RUNX1T1: variants seen among roughly 807,000 people sequenced by gnomAD.
The protein encoded by RUNX1T1 is protein CBFA2T1.
RUNX1T1 carries 4 observed loss-of-function variants against 62.8 expected under a neutral mutation model. The observed-to-expected ratio is 0.06, with a 90% confidence interval of 0.03 to 0.15. The LOEUF is 0.15. Among genes scored for constraint, RUNX1T1 ranks in the 10% least tolerant of loss-of-function variants. The probability of loss-of-function intolerance (pLI) is 1.00; values close to 1 mark genes in which losing one functional copy is unlikely to be tolerated. For missense variants in RUNX1T1, 508 were observed against 754.3 expected, an observed-to-expected ratio of 0.67 and a Z score of 3.82; for synonymous variants, 291 against 286.0, an observed-to-expected ratio of 1.02 and a Z score of -0.18.
intron 1 of RUNX1T1, among the ~76,000 whole-genome samples, chr8:92,032,104 A>C (rs1270670031): frequency 1.3e-5 from 2 of 150,806 alleles, no homozygotes; most frequent in African/African-American, 2.4e-5. Flanking sequence ...AAAAAAAAAA[A>C]AAAAAAAAAA....
chr8:92,079,694 T>C (rs1015309711), intron 1 of RUNX1T1, among the ~76,000 whole-genome samples: 7 of 152,174 alleles, frequency 4.6e-5, no homozygotes, highest in Admixed American at 1.3e-4. Context: ...ACAGTCCTTA[T>C]TCTTGCCTAA....
chr8:92,039,724 G>A (rs554225764), intron 1 of RUNX1T1, among the ~76,000 whole-genome samples: 2 of 152,250 alleles, frequency 1.3e-5, no homozygotes, highest in South Asian at 4.1e-4. Context: ...CATTCTGGTT[G>A]ATGGCAACCA....
At chr8:92,102,617 G>A (rs1307543261), upstream of RUNX1T1, among the ~76,000 whole-genome samples, 1 of 152,042 alleles carries the variant, frequency 6.6e-6, no homozygotes, top group Non-Finnish European at 1.5e-5. The surrounding 1 kb of genome is among the most constrained non-coding windows in gnomAD (Gnocchi z 4.5). Context: ...GAATATAATA[G>A]TAAAAACTGC....
chr8:91,962,194 G>C (rs1362820052), intron 10 of RUNX1T1, among the ~76,000 whole-genome samples: 1 of 152,200 alleles, frequency 6.6e-6, no homozygotes, highest in African/African-American at 2.4e-5. Flanking sequence ...CTTTTAGAAA[G>C]AGCCCAGCTC....
At chr8:92,039,141 G>GTT (rs1417344388) in intron 1 of RUNX1T1, among the ~76,000 whole-genome samples, 2 of 139,564 alleles carry the variant, frequency 1.4e-5, no homozygotes, top group African/African-American at 5.6e-5. Context: ...AATTTTTGTT[G>GTT]TTGTTTTTTT....
intron 5 of RUNX1T1, among the ~76,000 whole-genome samples, chr8:91,999,131 TA>T (rs1231632574): frequency 6.6e-6 from 1 of 152,214 alleles, no homozygotes; most frequent in African/African-American, 2.4e-5. Context: ...GGGCAGACTT[TA>T]ATTCTTTACC....
intron 7 of RUNX1T1, 32 bp downstream of exon 8, chr8:91,986,855 T>G: frequency 1.4e-6 from 2 of 1,435,626 alleles, no homozygotes; most frequent in Non-Finnish European, 2.0e-6. Context: ...TTCCAAACAT[T>G]TTTTAATCCC....
intron 10 of RUNX1T1, among the ~76,000 whole-genome samples, chr8:91,963,483 G>A (rs1265360960): frequency 1.3e-5 from 2 of 152,028 alleles, no homozygotes; most frequent in Admixed American, 6.5e-5. Flanking sequence ...AACTGAAAGA[G>A]CAATTTCTAT....
intron 1 of RUNX1T1, among the ~76,000 whole-genome samples, chr8:92,054,125 GA>G (rs201817398): frequency 0.16 from 20,420 of 126,088 alleles, 1,494 homozygotes; most frequent in East Asian, 0.25. Context: ...TTAGTACCTG[GA>G]AAAAAAAAAA....
chr8:91,957,652 G>T (rs2130354169), downstream of RUNX1T1: 1 of 227,860 alleles, frequency 4.4e-6, no homozygotes, highest in African/African-American at 2.2e-5. Context: ...GTGTGGGTAT[G>T]ACATACCTCA....
chr8:92,051,634 T>A (rs1484975971), intron 1 of RUNX1T1, among the ~76,000 whole-genome samples: 2 of 151,750 alleles, frequency 1.3e-5, no homozygotes, highest in Non-Finnish European at 2.9e-5. Flanking sequence ...ACTCTCTCTC[T>A]CTCTCTCTCA....
chr8:92,017,819 G>A (rs1016925314), intron 1 of RUNX1T1: 1 of 166,492 alleles, frequency 6.0e-6, no homozygotes, highest in Non-Finnish European at 1.2e-5. Flanking sequence ...TCTTACACCT[G>A]CCATCCCTGT....
intron 5 of RUNX1T1, chr8:92,003,404 A>T (rs953002651): frequency 2.2e-5 from 10 of 456,014 alleles, no homozygotes; most frequent in African/African-American, 6.0e-5. Flanking sequence ...GAAATGAATG[A>T]AACAGATTTT....
chr8:91,960,171 A>T, exon 11 of RUNX1T1: 1 of 1,478,136 alleles, frequency 6.8e-7, no homozygotes, highest in Non-Finnish European at 9.2e-7. Context: ...AACAACTTTG[A>T]GCATCTGAGG....
intron 1 of RUNX1T1, among the ~76,000 whole-genome samples, chr8:92,022,813 TC>T (rs1824376694): frequency 6.6e-6 from 1 of 152,190 alleles, no homozygotes; most frequent in African/African-American, 2.4e-5. Flanking sequence ...ACAAATAGGA[TC>T]TTACCTATTC....
chr8:92,054,512 T>C (rs1250065818), intron 1 of RUNX1T1, among the ~76,000 whole-genome samples: 1 of 152,174 alleles, frequency 6.6e-6, no homozygotes, highest in African/African-American at 2.4e-5. Flanking sequence ...CTGTGAAAGT[T>C]AGCAAGGCAG....
chr8:92,071,951 AG>A (rs1288037475), intron 2 of RUNX1T1, among the ~76,000 whole-genome samples: 1 of 152,186 alleles, frequency 6.6e-6, no homozygotes, highest in African/African-American at 2.4e-5. Context: ...AAACATCCAG[AG>A]AAAGGTCTGA....
intron 1 of RUNX1T1, among the ~76,000 whole-genome samples, chr8:92,093,547 C>T (rs777151033): frequency 7.9e-5 from 12 of 152,156 alleles, no homozygotes; most frequent in Admixed American, 2.0e-4. Flanking sequence ...TGTATTGAAC[C>T]CATTATCGCT....
At chr8:92,070,218 T>C (rs1336723454) in intron 2 of RUNX1T1, among the ~76,000 whole-genome samples, 1 of 152,214 alleles carries the variant, frequency 6.6e-6, no homozygotes, top group Non-Finnish European at 1.5e-5. Flanking sequence ...AATGTTACTA[T>C]TGTTACCTGC....
Sources: gnomAD v4.1 joint callset for allele counts (sites outside exome capture counted in the v4.1 genomes callset) on GRCh38, gnomAD v4.1.1 for gene constraint, Gnocchi (gnomAD v3.1) non-coding constraint, MANE v1.5 for transcripts, NCBI Gene and HGNC (gene_info 2026-07-23, HGNC 2026-07-21) for gene names.